TRIO: variants seen among roughly 807,000 people sequenced by gnomAD.
TRIO encodes the protein triple functional domain protein.
A neutral mutation model predicts 351.9 loss-of-function variants in TRIO; 58 were observed. The ratio of observed to expected loss-of-function variants is 0.16; its 90% CI spans 0.13 to 0.21. TRIO has a LOEUF of 0.21. Among genes scored for constraint, TRIO ranks in the 10% least tolerant of loss-of-function variants. The probability of loss-of-function intolerance (pLI) is 1.00; values close to 1 mark genes in which losing one functional copy is unlikely to be tolerated. For synonymous variants in TRIO, 1,758 were observed against 1,595.7 expected (o/e 1.10, Z -2.42); for missense variants, 3,201 against 4,027.8 (o/e 0.79, Z 5.56).
At chr5:14,384,154 C>T (rs1746349087) in intron 21 of TRIO, among the ~76,000 whole-genome samples, 1 of 152,186 alleles carries the variant, frequency 6.6e-6, no homozygotes, top group African/African-American at 2.4e-5. Flanking sequence ...TGGAGTGAGG[C>T]CTGCGGATGA....
chr5:14,352,952 TC>T (rs1229043069), intron 11 of TRIO, among the ~76,000 whole-genome samples: 7 of 151,988 alleles, frequency 4.6e-5, no homozygotes, highest in African/African-American at 1.4e-4. Flanking sequence ...TCATGGCGCT[TC>T]CCCTAGAATT....
chr5:14,195,013 AT>A (rs373373570), intron 1 of TRIO, among the ~76,000 whole-genome samples: 9,048 of 147,472 alleles, frequency 0.061, 839 homozygotes, highest in African/African-American at 0.21. Flanking sequence ...ATTTCAGTGT[AT>A]TTTTTTTTTT....
At chr5:14,479,817 C>CT in intron 42 of TRIO, 102 bp from the exon 43 acceptor site, 1 of 1,051,422 alleles carries the variant, frequency 9.5e-7, no homozygotes, top group African/African-American at 1.6e-5. Flanking sequence ...TTCCTCGTTA[C>CT]TTTTACTGCC....
intron 1 of TRIO, among the ~76,000 whole-genome samples, chr5:14,217,934 A>G (rs1227670188): frequency 6.6e-6 from 1 of 152,266 alleles, no homozygotes; most frequent in Non-Finnish European, 1.5e-5. Flanking sequence ...TAGTAAAAGA[A>G]TAACATACAT....
intron 1 of TRIO, among the ~76,000 whole-genome samples, chr5:14,215,331 C>T (rs1446259648): frequency 1.3e-5 from 2 of 152,168 alleles, no homozygotes; most frequent in Non-Finnish European, 2.9e-5. Flanking sequence ...CTTTGTTATT[C>T]GTGTCTGCCA....
chr5:14,241,812 T>A (rs995042602), intron 1 of TRIO, among the ~76,000 whole-genome samples: 1 of 152,222 alleles, frequency 6.6e-6, no homozygotes, highest in African/African-American at 2.4e-5. Flanking sequence ...ACCAGTTAGA[T>A]TAGCAGTACA....
intron 1 of TRIO, among the ~76,000 whole-genome samples, chr5:14,202,823 A>T (rs550309330): frequency 4.0e-5 from 6 of 151,350 alleles, no homozygotes; most frequent in Admixed American, 1.3e-4. Flanking sequence ...AGGCCTCTCC[A>T]GCTACGTGGA....
At chr5:14,277,837 A>T (rs918663661) in intron 2 of TRIO, among the ~76,000 whole-genome samples, 2 of 152,058 alleles carry the variant, frequency 1.3e-5, no homozygotes, top group African/African-American at 4.8e-5. Context: ...CCTTTCTAAG[A>T]TTTTTTCTTC....
chr5:14,348,633 A>G (rs184042966), intron 11 of TRIO, among the ~76,000 whole-genome samples: 1 of 152,130 alleles, frequency 6.6e-6, no homozygotes, highest in South Asian at 2.1e-4. Context: ...TGTGTACACA[A>G]ACATGCATGT....
At chr5:14,363,610 C>T (rs1291456106) in intron 13 of TRIO, 122 bp from the exon 14 acceptor site, 1 of 830,316 alleles carries the variant, frequency 1.2e-6, no homozygotes, top group Non-Finnish European at 1.9e-6. Context: ...ACTCATGCAT[C>T]TTAAGTGTTT....
chr5:14,216,284 A>G (rs746681810), intron 1 of TRIO, among the ~76,000 whole-genome samples: 6 of 152,206 alleles, frequency 3.9e-5, no homozygotes, highest in South Asian at 2.1e-4. Flanking sequence ...TAGGTAGTTT[A>G]TGAATGGGTT....
Position 14,284,355 on chromosome 5 carries a change from A to T in TRIO, c.348-2516A>T, listed in dbSNP as rs1581525712. ...GGCAGCTGTTTATTAGGTGCTCATA[A>T]ATAGGACCCAGGTTTGGGGATGTTT... On this transcript the variant is annotated intron_variant, in intron 3 of 56. Coordinates refer to ENST00000344204, the MANE Select transcript of TRIO (RefSeq NM_007118.4). Among the ~76,000 whole-genome samples the T allele has an allele frequency of 2.0e-5, 3 of 152,294 alleles. No homozygotes were observed. In the East Asian group the frequency reaches 5.8e-4, roughly 29 times the overall value.
At chr5:14,479,382 C>T (rs771094122) in intron 42 of TRIO, 32 bp downstream of exon 42, 89 of 1,547,726 alleles carry the variant, frequency 5.8e-5, no homozygotes, top group Non-Finnish European at 7.5e-5. Context: ...GAAAGTATTT[C>T]TGAATCTTTT....
At chr5:14,150,020 C>T (rs995443610) in intron 1 of TRIO, among the ~76,000 whole-genome samples, 1 of 152,168 alleles carries the variant, frequency 6.6e-6, no homozygotes, top group Admixed American at 6.5e-5. Context: ...TTGTCCTGGC[C>T]GCTCTGTGGA....
chr5:14,200,450 C>T (rs983484583), intron 1 of TRIO, among the ~76,000 whole-genome samples: 3 of 152,240 alleles, frequency 2.0e-5, no homozygotes, highest in Non-Finnish European at 4.4e-5. Context: ...CCCTGTAAGA[C>T]AGGCATGCTT....
At chr5:14,398,811 A>G (rs1747830457) in intron 29 of TRIO, 69 bp from the exon 30 acceptor site, 1 of 1,440,124 alleles carries the variant, frequency 6.9e-7, no homozygotes, top group African/African-American at 1.4e-5. Flanking sequence ...AAATACTAAT[A>G]ATGCTTTCTT....
At position 14,152,037 on chromosome 5, in the gene TRIO, C is replaced by T. The variant is rs78887520; in HGVS notation, c.157+8155C>T. The stretch of plus-strand genomic sequence containing the variant: ...ACCACACAAATATTGAAAAACAATG[C>T]TTTGACTGGAGTGTTATATATATTT... On this transcript the variant is annotated intron_variant, in intron 1 of 56. Transcript: ENST00000344204. Among the ~76,000 whole-genome samples, 776 of 152,192 alleles carry T rather than the reference C, an allele frequency of 5.1e-3. 5 individuals are homozygous for T. The highest frequency in any genetic ancestry group is 8.8e-3 in the Non-Finnish European group (596 of 67,998).
chr5:14,338,964 C>A (rs192184379), intron 11 of TRIO, among the ~76,000 whole-genome samples: 69 of 152,250 alleles, frequency 4.5e-4, no homozygotes, highest in African/African-American at 1.6e-3. Context: ...CTCTTCCCAC[C>A]AAGCAGTATT....
intron 10 of TRIO, among the ~76,000 whole-genome samples, chr5:14,335,762 C>T (rs753631004): frequency 4.6e-5 from 7 of 152,122 alleles, no homozygotes; most frequent in Non-Finnish European, 1.0e-4. Context: ...CCCAGGAGTT[C>T]GAGACCAGCC....
Sources: allele counts gnomAD v4.1 joint callset (sites outside exome capture counted in the v4.1 genomes callset), GRCh38; gene constraint gnomAD v4.1.1; transcripts MANE v1.5; gene names NCBI Gene and HGNC (gene_info 2026-07-23, HGNC 2026-07-21).